The following CCDC28A variants were observed in gnomAD, a reference collection of about 807,000 sequenced individuals.
The protein encoded by CCDC28A is coiled-coil domain-containing protein 28A.
Under a neutral mutation model 22.1 loss-of-function variants are expected in CCDC28A, and 24 were observed. The ratio of observed to expected loss-of-function variants is 1.09; its 90% CI spans 0.79 to 1.53. CCDC28A has a LOEUF of 1.53. Among genes scored for constraint, CCDC28A ranks in the 40% most tolerant of loss-of-function variants. The probability of loss-of-function intolerance (pLI) is 0.00; values close to 1 mark genes in which losing one functional copy is unlikely to be tolerated. For synonymous variants in CCDC28A, 83 were observed against 74.7 expected (o/e 1.11, Z -0.57); for missense variants, 170 against 210.7 (o/e 0.81, Z 1.20).
At chr6:138,775,568 T>C (rs1774918509) in intron 1 of CCDC28A, among the ~76,000 whole-genome samples, 1 of 152,240 alleles carries the variant, frequency 6.6e-6, no homozygotes, top group South Asian at 2.1e-4. Context: ...TCTAGTTGAT[T>C]TTTAAAATGC....
rs182976034 is a variant in CCDC28A, at chr6:138,779,589, A to G, written c.159-233A>G. Among the ~76,000 whole-genome samples, 8 of 152,324 alleles carry G rather than the reference A, an allele frequency of 5.3e-5. No homozygotes were observed. The East Asian group carries it at 1.3e-3, about 26-fold the overall frequency. Reference sequence around the variant, plus strand: ...TCCAAAGAATTAGCATATTATATAAATGTATTAATCAAACTTTTTATATGC... The same window carrying G: ...TCCAAAGAATTAGCATATTATATAAGTGTATTAATCAAACTTTTTATATGC... On this transcript the variant is annotated intron_variant, in intron 2 of 5. Transcript: ENST00000617445.
At chr6:138,773,970 T>G (rs1774885445) in intron 1 of CCDC28A, 68 bp downstream of exon 1, 5 of 1,565,986 alleles carry the variant, frequency 3.2e-6, no homozygotes, top group Non-Finnish European at 4.3e-6. Flanking sequence ...CTCTGGTCAC[T>G]GCTGGGTACT....
At chr6:138,776,614 CTCTT>C (rs1774937831) in intron 2 of CCDC28A, among the ~76,000 whole-genome samples, 1 of 151,928 alleles carries the variant, frequency 6.6e-6, no homozygotes, top group Admixed American at 6.6e-5. Context: ...CTTTCTTTCT[CTCTT>C]TTTTCTCTAA....
Position 138,776,705 on chromosome 6 carries a change from T to C in CCDC28A, c.158+427T>C, listed in dbSNP as rs529907508. Among the ~76,000 whole-genome samples, 3 of 152,072 alleles carry C rather than the reference T, an allele frequency of 2.0e-5. No homozygotes were observed. The South Asian group carries it at 6.2e-4, about 32-fold the overall frequency. On this transcript the variant is annotated intron_variant, in intron 2 of 5. Coordinates refer to ENST00000617445, the MANE Select transcript of CCDC28A (RefSeq NM_015439.3). The stretch of plus-strand genomic sequence containing the variant: ...ACACATATATATATATATTTTTAAA[T>C]ATGGGGTCTCACTGTGTTGCCCAGG...
chr6:138,792,343 A>G (rs950675666), intron 5 of CCDC28A, among the ~76,000 whole-genome samples: 3 of 152,172 alleles, frequency 2.0e-5, no homozygotes, highest in African/African-American at 7.2e-5. Flanking sequence ...AGCCTGGGCA[A>G]CATAGCCAGA....
At chr6:138,787,559 T>G (rs899859304) in intron 4 of CCDC28A, among the ~76,000 whole-genome samples, 6 of 152,180 alleles carry the variant, frequency 3.9e-5, no homozygotes, top group Non-Finnish European at 2.9e-5. Context: ...TCTATGATGG[T>G]TTTAAAGATT....
At chr6:138,775,327 G>A (rs1043189028) in intron 1 of CCDC28A, among the ~76,000 whole-genome samples, 9 of 152,152 alleles carry the variant, frequency 5.9e-5, no homozygotes, top group African/African-American at 2.2e-4. Flanking sequence ...GGCCTTACAC[G>A]TATTCCGCAT....
At chr6:138,780,357 T>G (rs749645776) in intron 3 of CCDC28A, among the ~76,000 whole-genome samples, 2 of 152,194 alleles carry the variant, frequency 1.3e-5, no homozygotes, top group Non-Finnish European at 2.9e-5. Flanking sequence ...TAAACTTGTT[T>G]CTTGCCTGGG....
intron 3 of CCDC28A, among the ~76,000 whole-genome samples, chr6:138,780,712 C>A (rs1775005422): frequency 1.3e-5 from 2 of 151,684 alleles, no homozygotes; most frequent in Admixed American, 1.3e-4. Flanking sequence ...GTAGCTGAGA[C>A]TACAGCCATG....
At chr6:138,785,048 A>T (rs1775071259) in intron 3 of CCDC28A, among the ~76,000 whole-genome samples, 179 bp from the exon 4 acceptor site, 1 of 152,204 alleles carries the variant, frequency 6.6e-6, no homozygotes, top group South Asian at 2.1e-4. Context: ...TAAGTGGGTC[A>T]TTGTTTTCCT....
chr6:138,785,964 T>C (rs1336554201), intron 4 of CCDC28A, among the ~76,000 whole-genome samples: 2 of 152,252 alleles, frequency 1.3e-5, no homozygotes, highest in Non-Finnish European at 2.9e-5. Flanking sequence ...CTATTTCTGC[T>C]AATTGAGTAC....
Position 138,779,861 on chromosome 6 carries a change from C to T in CCDC28A, c.198C>T (p.Gly66=), listed in dbSNP as rs1370177379. The T allele has an allele frequency of 6.2e-7, 1 of 1,613,842 alleles. No individual in the cohort carries two copies. Among genetic ancestry groups the T allele is most frequent in the East Asian group, 2.2e-5 (1 of 44,864 alleles). Residue 66 remains glycine, a synonymous_variant, in exon 3 of 6, where the codon GGC becomes GGT. Coordinates refer to ENST00000617445, the MANE Select transcript of CCDC28A (RefSeq NM_015439.3). ...AGACCAAACCTCAGGGTGGAGAGGG[C>T]AAAGGCGCTCAGTCAACTCCGATCC... The part of the protein sequence containing the change: ...KEKTKPQGGE[G]KGAQSTPIQH...
chr6:138,773,850 C>G lies in CCDC28A; in HGVS notation c.-95C>G. 6.2e-7 allele frequency: 1 copy of G among 1,614,112 alleles called. No homozygotes were observed. Among genetic ancestry groups the G allele is most frequent in the East Asian group, 2.2e-5 (1 of 44,880 alleles). ...GTGGCTGCGGCGGTGGCTTCTGAGG[C>G]TGTCGGGTCTTTGCGGGTTGCGGAA... On this transcript the variant is annotated 5_prime_UTR_variant, in exon 1 of 6. Coordinates refer to ENST00000617445, the MANE Select transcript of CCDC28A (RefSeq NM_015439.3).
chr6:138,783,435 A>ATTTTTT (rs564949933), intron 3 of CCDC28A, among the ~76,000 whole-genome samples: 1 of 119,114 alleles, frequency 8.4e-6, no homozygotes, highest in African/African-American at 3.3e-5. Context: ...CACCCAGCTA[A>ATTTTTT]TTTTTTTTTT....
At chr6:138,783,639 C>T (rs1402043327) in intron 3 of CCDC28A, among the ~76,000 whole-genome samples, 2 of 151,808 alleles carry the variant, frequency 1.3e-5, no homozygotes, top group African/African-American at 4.8e-5. Flanking sequence ...GGGGTTTCAC[C>T]ATGTTAGCCA....
chr6:138,790,177 G>A (rs556119907), intron 5 of CCDC28A, among the ~76,000 whole-genome samples: 6 of 152,060 alleles, frequency 3.9e-5, no homozygotes, highest in South Asian at 2.1e-4. Context: ...GTTTTGAGAC[G>A]GGTCTCGCCC....
chr6:138,778,604 G>A (rs1040291079), intron 2 of CCDC28A, among the ~76,000 whole-genome samples: 2 of 152,156 alleles, frequency 1.3e-5, no homozygotes, highest in African/African-American at 2.4e-5. Flanking sequence ...GCCAAAGATG[G>A]CAGTAAGTGG....
chr6:138,779,100 G>A (rs973093232), intron 2 of CCDC28A, among the ~76,000 whole-genome samples: 11 of 152,180 alleles, frequency 7.2e-5, no homozygotes, highest in Non-Finnish European at 1.3e-4. Flanking sequence ...CAAATTGTAT[G>A]ATCTGATTTT....
At chr6:138,778,624 A>G (rs1174529220) in intron 2 of CCDC28A, among the ~76,000 whole-genome samples, 1 of 152,228 alleles carries the variant, frequency 6.6e-6, no homozygotes, top group African/African-American at 2.4e-5. Context: ...GAAGGATGCT[A>G]ATGTAGGCAG....
Sources: allele counts gnomAD v4.1 joint callset (sites outside exome capture counted in the v4.1 genomes callset), GRCh38; gene constraint gnomAD v4.1.1; transcripts MANE v1.5; gene names NCBI Gene and HGNC (gene_info 2026-07-23, HGNC 2026-07-21).